Variants in GRM7 observed in about 807,000 individuals in gnomAD.
The protein encoded by GRM7 is metabotropic glutamate receptor 7.
Under a neutral mutation model 84.5 loss-of-function variants are expected in GRM7, and 35 were observed. That is an observed-to-expected ratio of 0.41 (90% confidence interval 0.32 to 0.55). GRM7 has a LOEUF of 0.55. Ranked by LOEUF, GRM7 falls within the 20% of genes least tolerant of loss-of-function variation. The pLI, the probability that GRM7 is intolerant of heterozygous loss-of-function variation, is 0.19. For missense variants in GRM7, 1,003 were observed against 1,194.6 expected (o/e 0.84, Z 2.36); for synonymous variants, 487 against 455.1 (o/e 1.07, Z -0.89).
At chr3:7,502,355 C>T (rs1699909257) in intron 7 of GRM7, among the ~76,000 whole-genome samples, 1 of 152,154 alleles carries the variant, frequency 6.6e-6, no homozygotes, top group South Asian at 2.1e-4. Context: ...TGAACACCTT[C>T]TTCTAGTTGA....
intron 2 of GRM7, among the ~76,000 whole-genome samples, chr3:7,240,042 G>A (rs1222491467): frequency 6.7e-6 from 1 of 149,818 alleles, no homozygotes; most frequent in Non-Finnish European, 1.5e-5. Context: ...TCCAATAAAG[G>A]CAGATATCCA....
At chr3:7,668,814 T>A (rs1699810029) in intron 8 of GRM7, among the ~76,000 whole-genome samples, 1 of 152,270 alleles carries the variant, frequency 6.6e-6, no homozygotes. Flanking sequence ...TGAGGACCAC[T>A]TCATTCATCA....
At chr3:7,396,937 A>G (rs1420030421) in intron 4 of GRM7, among the ~76,000 whole-genome samples, 1 of 152,080 alleles carries the variant, frequency 6.6e-6, no homozygotes, top group African/African-American at 2.4e-5. Flanking sequence ...TGGGTTTTTA[A>G]GGAAGAAAAC....
chr3:7,513,748 T>A (rs1700287421), intron 7 of GRM7, among the ~76,000 whole-genome samples: 1 of 152,148 alleles, frequency 6.6e-6, no homozygotes, highest in African/African-American at 2.4e-5. Flanking sequence ...ATGCCCATAA[T>A]AATAAAAATT....
chr3:7,174,573 G>A (rs893692637), intron 2 of GRM7, among the ~76,000 whole-genome samples: 1 of 152,158 alleles, frequency 6.6e-6, no homozygotes, highest in Non-Finnish European at 1.5e-5. Flanking sequence ...TTTATTTCTA[G>A]TTGTTGTCCA....
At chr3:7,391,052 T>A (rs1448203384) in intron 4 of GRM7, among the ~76,000 whole-genome samples, 2 of 152,088 alleles carry the variant, frequency 1.3e-5, no homozygotes, top group Non-Finnish European at 2.9e-5. Context: ...TTTCTTTTTT[T>A]TTCCCTTGGA....
chr3:7,392,620 G>A (rs972197933), intron 4 of GRM7, among the ~76,000 whole-genome samples: 2 of 152,212 alleles, frequency 1.3e-5, no homozygotes, highest in South Asian at 4.1e-4. Context: ...TCTCCCAGCA[G>A]CTGGTAGCAA....
intron 7 of GRM7, among the ~76,000 whole-genome samples, chr3:7,484,472 G>T (rs1316824070): frequency 6.6e-6 from 1 of 152,204 alleles, no homozygotes; most frequent in Non-Finnish European, 1.5e-5. Context: ...CATAAAGTGT[G>T]AGAGTATGTT....
chr3:7,537,491 G>A (rs1006410219), intron 7 of GRM7, among the ~76,000 whole-genome samples: 14 of 152,120 alleles, frequency 9.2e-5, no homozygotes, highest in African/African-American at 1.2e-4. Context: ...AAAATCTTCC[G>A]AAAATAAATC....
At chr3:7,230,554 C>T (rs1697160459) in intron 2 of GRM7, among the ~76,000 whole-genome samples, 1 of 152,130 alleles carries the variant, frequency 6.6e-6, no homozygotes, top group Non-Finnish European at 1.5e-5. Context: ...TAATTCTTCT[C>T]TTGCAAATGT....
chr3:7,100,054 T>C (rs1699058598), intron 1 of GRM7, among the ~76,000 whole-genome samples: 2 of 150,218 alleles, frequency 1.3e-5, no homozygotes, highest in South Asian at 4.2e-4. Context: ...TTACATATAA[T>C]ATATATGTAA....
intron 1 of GRM7, among the ~76,000 whole-genome samples, chr3:7,141,350 A>G (rs1199993049): frequency 2.0e-5 from 3 of 152,090 alleles, no homozygotes; most frequent in East Asian, 3.9e-4. Flanking sequence ...TAATGCAATG[A>G]AAATAATTAT....
intron 2 of GRM7, among the ~76,000 whole-genome samples, chr3:7,242,377 C>T (rs924769123): frequency 6.6e-6 from 1 of 152,164 alleles, no homozygotes; most frequent in African/African-American, 2.4e-5. Flanking sequence ...TGGTCTTTCT[C>T]ACCTTTAAAT....
chr3:7,025,560 G>C (rs1695951681), intron 1 of GRM7, among the ~76,000 whole-genome samples: 1 of 152,150 alleles, frequency 6.6e-6, no homozygotes, highest in Non-Finnish European at 1.5e-5. Flanking sequence ...TCTCTGTAAA[G>C]GCTGGGACAT....
intron 2 of GRM7, among the ~76,000 whole-genome samples, chr3:7,213,481 A>G (rs1237063155): frequency 6.6e-6 from 1 of 152,188 alleles, no homozygotes; most frequent in Non-Finnish European, 1.5e-5. Flanking sequence ...AATTGACTTG[A>G]TCATAGTTAC....
chr3:7,417,745 T>C (rs1005729766), intron 5 of GRM7, among the ~76,000 whole-genome samples: 3 of 152,126 alleles, frequency 2.0e-5, no homozygotes, highest in Admixed American at 1.3e-4. Context: ...ACTCTTAAGA[T>C]GTGAGCACAA....
At chr3:7,277,713 C>T (rs1685635647) in intron 2 of GRM7, among the ~76,000 whole-genome samples, 1 of 151,660 alleles carries the variant, frequency 6.6e-6, no homozygotes, top group Admixed American at 6.6e-5. Context: ...ATTTTTTTTG[C>T]ATTGTCTGTA....
At chr3:7,096,890 C>G (rs916648305) in intron 1 of GRM7, among the ~76,000 whole-genome samples, 6 of 152,112 alleles carry the variant, frequency 3.9e-5, no homozygotes, top group Non-Finnish European at 5.9e-5. Context: ...GCTATAGATA[C>G]TCTTCATTAA....
chr3:7,211,098 G>A (rs1696409913), intron 2 of GRM7, among the ~76,000 whole-genome samples: 1 of 152,140 alleles, frequency 6.6e-6, no homozygotes, highest in Non-Finnish European at 1.5e-5. Flanking sequence ...CAGACCTCTT[G>A]ACAGTATGAT....
Sources: gnomAD v4.1 joint callset for allele counts (sites outside exome capture counted in the v4.1 genomes callset) on GRCh38, gnomAD v4.1.1 for gene constraint, MANE v1.5 for transcripts, NCBI Gene and HGNC (gene_info 2026-07-23, HGNC 2026-07-21) for gene names.